Variants in FXR1 observed in about 807,000 individuals in gnomAD.
FXR1 encodes RNA-binding protein FXR1.
FXR1 carries 15 observed loss-of-function variants against 84.0 expected under a neutral mutation model. That is an observed-to-expected ratio of 0.18 (90% confidence interval 0.12 to 0.27). The LOEUF (loss-of-function observed/expected upper bound fraction) is 0.27, where lower values mean the gene tolerates loss of function less well. Ranked by LOEUF, FXR1 falls within the 10% of genes least tolerant of loss-of-function variation. The pLI is 1.00. For synonymous variants in FXR1, 245 were observed against 250.7 expected, an observed-to-expected ratio of 0.98 and a Z score of 0.21; for missense variants, 480 against 774.4, an observed-to-expected ratio of 0.62 and a Z score of 4.51.
intron 1 of FXR1, among the ~76,000 whole-genome samples, chr3:180,919,609 T>C (rs892405935): frequency 6.6e-6 from 1 of 150,912 alleles, no homozygotes; most frequent in African/African-American, 2.4e-5. Context: ...TGATTACATG[T>C]TGGATAATAT....
intron 3 of FXR1, among the ~76,000 whole-genome samples, chr3:180,944,662 T>C (rs1721506793): frequency 6.6e-6 from 1 of 152,024 alleles, no homozygotes; most frequent in Non-Finnish European, 1.5e-5. Flanking sequence ...ATTGACTCCA[T>C]GCTGGAGTAT....
chr3:180,949,289 T>C lies in FXR1; in HGVS notation c.576T>C (p.Ile192=). The C allele has an allele frequency of 6.2e-7, 1 of 1,604,660 alleles. No homozygotes were observed. The change falls in exon 7 of 17, where the codon ATT becomes ATC. Residue 192 remains isoleucine (I), a synonymous_variant. Coordinates refer to ENST00000357559, the MANE Select transcript of FXR1 (RefSeq NM_005087.4). ...TAAGTGACATGCATTTGCGAAGTATTCGTACGAAGTTGATGCTTATGTCCA... is the reference window on the plus strand; with the variant it reads ...TAAGTGACATGCATTTGCGAAGTATCCGTACGAAGTTGATGCTTATGTCCA... ...NILSDMHLRS[I]RTKLMLMSRN... is the part of the protein sequence containing the mutation.
chr3:180,971,151 GC>G, intron 15 of FXR1: 1 of 1,253,588 alleles, frequency 8.0e-7, no homozygotes, highest in Admixed American at 2.5e-5. Context: ...AAGATAGACA[GC>G]CAGGTAACTT....
chr3:180,912,717 C>G lies in FXR1; in HGVS notation c.32C>G (p.Ser11Cys). MAELTVEVRG[S>C]NGAFYKGFIK... ...GAGCTGACGGTGGAGGTTCGCGGCT[C>G]TAACGGGGCTTTCTACAAGGTACTG... Residue 11 changes from serine to cysteine, a missense_variant, in exon 1 of 17, where the codon TCT becomes TGT. This residue lies in a region of FXR1 where 54 missense variants were observed against 74.2 expected (regional missense o/e 0.73). Transcript: ENST00000357559. The G allele has an allele frequency of 1.2e-6, 2 of 1,614,064 alleles. No individual in the cohort carries two copies. Among genetic ancestry groups the G allele is most frequent in the Non-Finnish European group, 1.7e-6 (2 of 1,180,012 alleles).
At chr3:180,929,720 A>G (rs997994815) in intron 1 of FXR1, among the ~76,000 whole-genome samples, 2 of 152,212 alleles carry the variant, frequency 1.3e-5, no homozygotes, top group Non-Finnish European at 2.9e-5. Flanking sequence ...GGGGAGACCT[A>G]CCATCATTCT....
intron 1 of FXR1, among the ~76,000 whole-genome samples, chr3:180,913,835 C>T (rs1056271419): frequency 3.3e-5 from 5 of 152,184 alleles, no homozygotes; most frequent in African/African-American, 1.2e-4. Flanking sequence ...TTATGAAGGG[C>T]CTTCTTCTAA....
chr3:180,926,090 C>T (rs1364623189), intron 1 of FXR1, among the ~76,000 whole-genome samples: 1 of 152,112 alleles, frequency 6.6e-6, no homozygotes, highest in Non-Finnish European at 1.5e-5. Context: ...AAGCCATGAA[C>T]TGCACTTTTT....
intron 6 of FXR1, among the ~76,000 whole-genome samples, 191 bp from the exon 7 acceptor site, chr3:180,949,036 T>C (rs907650906): frequency 2.0e-5 from 3 of 152,192 alleles, no homozygotes; most frequent in Admixed American, 2.0e-4. Context: ...CAATCAAACA[T>C]ATTCTGAATA....
At chr3:180,912,965 A>T (rs1022924877) in intron 1 of FXR1, among the ~76,000 whole-genome samples, 1 of 151,574 alleles carries the variant, frequency 6.6e-6, no homozygotes, top group Admixed American at 6.6e-5. Flanking sequence ...GCATTTTCCT[A>T]GTTATGAACC....
chr3:180,975,259 T>C (rs191007953), intron 15 of FXR1, 54 bp from the exon 16 acceptor site: 33 of 706,834 alleles, frequency 4.7e-5, no homozygotes, highest in Non-Finnish European at 6.6e-5. Flanking sequence ...TATCCATAAA[T>C]AAACTTTAGA....
intron 3 of FXR1, among the ~76,000 whole-genome samples, chr3:180,936,111 C>T (rs370581117): frequency 4.0e-5 from 6 of 151,014 alleles, no homozygotes; most frequent in East Asian, 2.0e-4. Context: ...AGGCTGTTCT[C>T]GAACTCCTGA....
chr3:180,930,920 T>C (rs1719810092), intron 1 of FXR1, among the ~76,000 whole-genome samples: 1 of 147,908 alleles, frequency 6.8e-6, no homozygotes, highest in African/African-American at 2.5e-5. Flanking sequence ...TCCCAGCTAC[T>C]GGGGAGGTTG....
At chr3:180,949,965 CA>C (rs1327691451) in intron 7 of FXR1, among the ~76,000 whole-genome samples, 1 of 152,126 alleles carries the variant, frequency 6.6e-6, no homozygotes, top group Admixed American at 6.6e-5. Flanking sequence ...TGTCATCTGT[CA>C]GTCATGATAT....
intron 1 of FXR1, among the ~76,000 whole-genome samples, chr3:180,920,287 C>T (rs1560158453): frequency 6.6e-6 from 1 of 152,012 alleles, no homozygotes; most frequent in East Asian, 1.9e-4. Context: ...GATATATGTA[C>T]TTAGTTCATA....
rs570866983 is a variant in FXR1, at chr3:180,977,098, T to G, written c.*806T>G. ...TCCTTTTTTTTTTTTTTATTTCGGTTGTTTGATGTGCAATATGTTTTTGTA... is the reference window on the plus strand; with the variant it reads ...TCCTTTTTTTTTTTTTTATTTCGGTGGTTTGATGTGCAATATGTTTTTGTA... On this transcript the variant is annotated 3_prime_UTR_variant, in exon 17 of 17. Coordinates refer to ENST00000357559, the MANE Select transcript of FXR1 (RefSeq NM_005087.4). 6.6e-6 allele frequency: 1 copy of G among 151,780 alleles called. No homozygotes were observed. Among genetic ancestry groups the G allele is most frequent in the East Asian group, 1.9e-4 (1 of 5,172 alleles). 9.4% of individuals were successfully genotyped at this position (151,780 alleles called of 1,614,324 possible). A position where few individuals can be genotyped will look rare whatever the true frequency, so the allele number is the denominator to read the frequency against.
At chr3:180,941,071 A>G (rs1053341853) in intron 3 of FXR1, among the ~76,000 whole-genome samples, 55 of 152,076 alleles carry the variant, frequency 3.6e-4, no homozygotes, top group African/African-American at 1.1e-3. Flanking sequence ...TTATATATCT[A>G]TATATTATAT....
chr3:180,926,494 A>ATT (rs1719205195), intron 1 of FXR1, among the ~76,000 whole-genome samples: 1 of 103,916 alleles, frequency 9.6e-6, no homozygotes, highest in African/African-American at 5.5e-5. Flanking sequence ...ATATATATAT[A>ATT]TATATATATA....
At chr3:180,929,989 G>A (rs1719691691) in intron 1 of FXR1, among the ~76,000 whole-genome samples, 1 of 152,244 alleles carries the variant, frequency 6.6e-6, no homozygotes, top group Admixed American at 6.5e-5. Context: ...CAAGGGCCGG[G>A]GCGTGGTGGC....
chr3:180,946,234 A>G (rs562306763), intron 3 of FXR1, among the ~76,000 whole-genome samples: 2 of 152,304 alleles, frequency 1.3e-5, no homozygotes, highest in East Asian at 3.9e-4. Flanking sequence ...ATGAACATTA[A>G]CAGTTTATTT....
Sources: allele counts gnomAD v4.1 joint callset (sites outside exome capture counted in the v4.1 genomes callset), GRCh38; gene constraint gnomAD v4.1.1; regional missense constraint gnomAD v4.1.1; transcripts MANE v1.5; gene names NCBI Gene and HGNC (gene_info 2026-07-23, HGNC 2026-07-21).